The following CCDC180 variants were observed in gnomAD, a reference collection of about 807,000 sequenced individuals.
The protein encoded by CCDC180 is coiled-coil domain-containing protein 180.
CCDC180 carries 154 observed loss-of-function variants against 209.2 expected under a neutral mutation model. The observed-to-expected ratio is 0.74, with a 90% confidence interval of 0.65 to 0.84. The LOEUF is 0.84. CCDC180 is among the 40% of genes least tolerant of loss of function. The pLI is 0.00. For missense variants in CCDC180, 1,874 were observed against 1,997.3 expected (o/e 0.94, Z 1.18); for synonymous variants, 778 against 749.1 (o/e 1.04, Z -0.63).
intron 22 of CCDC180, among the ~76,000 whole-genome samples, chr9:97,352,188 T>G (rs1359568435): frequency 6.6e-6 from 1 of 152,150 alleles, no homozygotes; most frequent in African/African-American, 2.4e-5. Flanking sequence ...ACCAATTTAT[T>G]AACATGCAAG....
chr9:97,321,784 G>A (rs902802082), intron 11 of CCDC180, among the ~76,000 whole-genome samples: 3 of 152,194 alleles, frequency 2.0e-5, no homozygotes, highest in Non-Finnish European at 2.9e-5. Context: ...ACATTGACAA[G>A]GAAGTATCAA....
chr9:97,328,123 T>C lies in CCDC180; in HGVS notation c.1765T>C (p.Phe589Leu). Residue 589 changes from phenylalanine (F) to leucine (L), a missense_variant, in exon 16 of 37, where the codon TTT becomes CTT. By Grantham distance (22) the Phe-to-Leu change is conservative. Transcript: ENST00000529487. Reference protein sequence around the residue: ...SYSSALSQYFFVREIFEQNLA... With the variant: ...SYSSALSQYFLVREIFEQNLA... ...CAGCTCTGCCCTCAGCCAATACTTC[T>C]TTGTGCGTGAAATCTTTGAACAGGT... The C allele has an allele frequency of 1.2e-6, 2 of 1,614,010 alleles. No homozygotes were observed. The highest frequency in any genetic ancestry group is 2.2e-5 in the East Asian group (1 of 44,872).
At chr9:97,307,859 C>A in intron 1 of CCDC180, 53 bp downstream of exon 1, 1 of 1,608,628 alleles carries the variant, frequency 6.2e-7, no homozygotes, top group Non-Finnish European at 8.5e-7. Flanking sequence ...CGTTCCCCAG[C>A]CGCCTACCCC....
Position 97,362,331 on chromosome 9 carries a change from C to A in CCDC180, c.3792C>A (p.Leu1264=). The A allele has an allele frequency of 6.2e-7, 1 of 1,614,150 alleles. No individual in the cohort carries two copies. The change falls in exon 28 of 37, where the codon CTC becomes CTA. Residue 1264 remains leucine, a synonymous_variant. Transcript: ENST00000529487. ...GTGCTGTGTGCTCACCTCCTGTCCT[C>A]TGCTCCTGTCCTGGGCCCTCGTCAC... is the stretch of plus-strand genomic sequence containing the variant. ...AGGAVCSPPV[L]CSCPGPSSPK...
chr9:97,307,650 C>A (rs985780570), upstream of CCDC180: 11 of 1,330,984 alleles, frequency 8.3e-6, no homozygotes, highest in Admixed American at 1.7e-5. Context: ...CAGTCCCAAC[C>A]GACACCTTGA....
intron 26 of CCDC180, among the ~76,000 whole-genome samples, chr9:97,360,450 T>C (rs1181192767): frequency 6.6e-6 from 1 of 152,000 alleles, no homozygotes; most frequent in Non-Finnish European, 1.5e-5. Flanking sequence ...CCCTGGCTTC[T>C]CCCCATGGCA....
In CCDC180 at chr9:97,309,566, C is replaced by T. The variant is rs778356346; in HGVS notation, c.222C>T (p.Leu74=). The part of the protein sequence containing the change: ...SPRQQKWMHS[L]PNDWIMENPV... ...GACAGCAGAAGTGGATGCACAGCCT[C>T]CCCAACGACTGGATCATGGAAAACC... Residue 74 remains leucine, a synonymous_variant, in exon 3 of 37, where the codon CTC becomes CTT. Transcript: ENST00000529487. The T allele has an allele frequency of 1.9e-6, 3 of 1,591,046 alleles. No individual in the cohort carries two copies. In the Admixed American group the frequency reaches 5.4e-5, roughly 28 times the overall value.
At chr9:97,327,184 T>A (rs534705056) in intron 15 of CCDC180, among the ~76,000 whole-genome samples, 4 of 151,888 alleles carry the variant, frequency 2.6e-5, no homozygotes, top group Admixed American at 6.6e-5. Context: ...CAAAAAAAAA[T>A]TTAAACATGT....
chr9:97,348,671 A>G (rs1021135882), intron 20 of CCDC180, among the ~76,000 whole-genome samples: 1 of 151,940 alleles, frequency 6.6e-6, no homozygotes, highest in Non-Finnish European at 1.5e-5. Context: ...TGTTCTTGCC[A>G]CTCTACCTTG....
intron 13 of CCDC180, 95 bp from the exon 14 acceptor site, chr9:97,324,924 C>A: frequency 8.6e-7 from 1 of 1,165,442 alleles, no homozygotes; most frequent in Non-Finnish European, 1.2e-6. Context: ...CAATACTGTT[C>A]AGTCGTTAGA....
intron 29 of CCDC180, chr9:97,365,460 A>C (rs996727448): frequency 5.3e-5 from 28 of 528,516 alleles, no homozygotes; most frequent in African/African-American, 4.8e-4. Context: ...GGGTCTGAGG[A>C]AGGGCAGGAA....
chr9:97,353,668 G>T (rs1826485245), intron 22 of CCDC180, among the ~76,000 whole-genome samples: 1 of 152,162 alleles, frequency 6.6e-6, no homozygotes, highest in African/African-American at 2.4e-5. Context: ...AGAATTCTCT[G>T]CTTGAGGTTT....
At chr9:97,336,446 C>A (rs1372828594) in intron 18 of CCDC180, among the ~76,000 whole-genome samples, 1 of 152,114 alleles carries the variant, frequency 6.6e-6, no homozygotes, top group Non-Finnish European at 1.5e-5. Flanking sequence ...TTGTTTTTGT[C>A]AGGTTTGTTG....
At chr9:97,335,954 C>CA in intron 18 of CCDC180, among the ~76,000 whole-genome samples, 1 of 152,296 alleles carries the variant, frequency 6.6e-6, no homozygotes, top group Admixed American at 6.5e-5. Flanking sequence ...TTTCATGTGT[C>CA]TGTTGGCGGC....
chr9:97,356,524 G>C (rs901453015), intron 24 of CCDC180, among the ~76,000 whole-genome samples: 8 of 152,202 alleles, frequency 5.3e-5, no homozygotes, highest in African/African-American at 1.9e-4. Flanking sequence ...GTAAAGGCAG[G>C]CTCTGGTGGA....
intron 19 of CCDC180, among the ~76,000 whole-genome samples, chr9:97,346,272 A>T (rs1313660228): frequency 6.6e-6 from 1 of 152,168 alleles, no homozygotes; most frequent in Admixed American, 6.5e-5. Flanking sequence ...TTCTCCTTCC[A>T]TTATTCTTGG....
Position 97,307,700 on chromosome 9 carries a change from G to A in CCDC180, c.-188G>A. 4 of 1,599,500 alleles carry A rather than the reference G, an allele frequency of 2.5e-6. No individual in the cohort carries two copies. Among genetic ancestry groups the A allele is most frequent in the Non-Finnish European group, 3.4e-6 (4 of 1,167,300 alleles). ...TCCCCGAAGAGCATGGCAGAGTGAA[G>A]CACAAGCAATAATCCTGTATTATTC... On this transcript the variant is annotated 5_prime_UTR_variant, in exon 1 of 37. Coordinates refer to ENST00000529487, the MANE Select transcript of CCDC180 (RefSeq NM_020893.6).
At chr9:97,361,481 C>T (rs1826750103) in intron 26 of CCDC180, among the ~76,000 whole-genome samples, 1 of 152,100 alleles carries the variant, frequency 6.6e-6, no homozygotes, top group South Asian at 2.1e-4. Flanking sequence ...AGAACATGGG[C>T]AGAGACTTGT....
chr9:97,341,188 T>C lies in CCDC180; in HGVS notation c.2275-2152T>C, dbSNP rs957909660. Among the ~76,000 whole-genome samples, 4 of 152,222 alleles carry C rather than the reference T, an allele frequency of 2.6e-5. No homozygotes were observed. The South Asian group carries it at 8.3e-4, about 32-fold the overall frequency. ...ACACTCTTTACCCTGCCCCTTTTGC[T>C]TTGTATCCAATAAATAACTGTGCAG... is the stretch of plus-strand genomic sequence containing the variant. On this transcript the variant is annotated intron_variant, in intron 18 of 36. Transcript: ENST00000529487.
Sources: allele counts gnomAD v4.1 joint callset (sites outside exome capture counted in the v4.1 genomes callset), GRCh38; gene constraint gnomAD v4.1.1; transcripts MANE v1.5; gene names NCBI Gene and HGNC (gene_info 2026-07-23, HGNC 2026-07-21).